Variants in CES4A observed in about 807,000 individuals in gnomAD.
CES4A encodes carboxylesterase 6.
In CES4A, 48 loss-of-function variants were observed where a neutral mutation model predicts 65.4. That is an observed-to-expected ratio of 0.73 (90% CI 0.58 to 0.93). CES4A has a LOEUF of 0.93. CES4A is among the 40% of genes least tolerant of loss of function. The pLI, the probability that CES4A is intolerant of heterozygous loss-of-function variation, is 0.00. For synonymous variants in CES4A, 247 were observed against 281.8 expected (o/e 0.88, Z 1.24); for missense variants, 685 against 728.5 (o/e 0.94, Z 0.69).
chr16:67,005,717 C>T (rs561351781), intron 11 of CES4A: 76 of 255,470 alleles, frequency 3.0e-4, no homozygotes, highest in Admixed American at 1.4e-3. Context: ...GCTGTAGTGG[C>T]GCATGCCTAT....
intron 2 of CES4A, chr16:66,996,271 G>A (rs1964844192): frequency 6.0e-6 from 2 of 333,362 alleles, no homozygotes; most frequent in South Asian, 2.3e-5. Context: ...TCTTGACCTC[G>A]TGATCCACAT....
Position 67,003,995 on chromosome 16 carries a change from T to C in CES4A, c.940-89T>C. 1 of 1,370,398 alleles carries C rather than the reference T, an allele frequency of 7.3e-7. No individual in the cohort carries two copies. Among genetic ancestry groups the C allele is most frequent in the Middle Eastern group, 2.5e-4 (1 of 3,984 alleles). 84.9% of individuals were successfully genotyped at this position (1,370,398 alleles called of 1,614,324 possible). The stretch of plus-strand genomic sequence containing the variant: ...CTTTTCCCAATCAAAGAACCTAGGC[T>C]AGAGCAGCCTCTGAAGGGGCACCCA... On this transcript the variant is annotated intron_variant, in intron 8 of 13. Coordinates refer to ENST00000648724, the Ensembl canonical transcript of CES4A. This position sits in a 1 kb window ranked among gnomAD's most constrained non-coding sequence, Gnocchi z 4.2.
At chr16:67,004,324 A>G in intron 9 of CES4A, 100 bp downstream of exon 9, 1 of 1,307,802 alleles carries the variant, frequency 7.6e-7, no homozygotes, top group Non-Finnish European at 1.1e-6. Flanking sequence ...GCACCAGGTC[A>G]GATGCCAGTA....
chr16:67,002,719 G>GCTGTCA, intron 5 of CES4A, among the ~76,000 whole-genome samples: 1 of 152,154 alleles, frequency 6.6e-6, no homozygotes, highest in African/African-American at 2.4e-5. Flanking sequence ...AGTGGAGAGA[G>GCTGTCA]GCTAACAGCT....
At chr16:66,995,697 T>C (rs1276346028) in exon 2 of CES4A, 5 of 1,614,200 alleles carry the variant, frequency 3.1e-6, no homozygotes, top group Middle Eastern at 1.6e-4. Flanking sequence ...CAGATGCATG[T>C]GGGGAAGACA....
chr16:66,997,736 C>A (rs948935082), intron 2 of CES4A, among the ~76,000 whole-genome samples: 1 of 151,724 alleles, frequency 6.6e-6, no homozygotes, highest in South Asian at 2.1e-4. Context: ...TTTGGGAGGC[C>A]GAGGCAGGAA....
chr16:67,002,162 G>GA (rs1555530410), intron 5 of CES4A, among the ~76,000 whole-genome samples: 5 of 151,700 alleles, frequency 3.3e-5, no homozygotes, highest in African/African-American at 2.4e-5. Flanking sequence ...AAAAGCAGAG[G>GA]AAAAAAAAAT....
At chr16:66,997,797 C>T (rs1397754142) in intron 2 of CES4A, among the ~76,000 whole-genome samples, 1 of 152,090 alleles carries the variant, frequency 6.6e-6, no homozygotes, top group Non-Finnish European at 1.5e-5. Context: ...TAGTGAGACC[C>T]TGTCTCTACA....
chr16:67,006,985 A>C (rs1001486650), intron 13 of CES4A, 168 bp downstream of exon 13: 2 of 605,942 alleles, frequency 3.3e-6, no homozygotes, highest in Non-Finnish European at 5.8e-6. Context: ...ACCGGATCCT[A>C]AACGTCTCTA....
In CES4A at chr16:66,988,704, A is replaced by G; in HGVS notation, c.-69A>G. The G allele has an allele frequency of 1.3e-6, 2 of 1,550,416 alleles. No individual in the cohort carries two copies. Among genetic ancestry groups the G allele is most frequent in the Non-Finnish European group, 8.7e-7 (1 of 1,147,052 alleles). On this transcript the variant is annotated 5_prime_UTR_variant, in exon 1 of 14. An upstream start codon of the reference 5' UTR is lost. Transcript: ENST00000648724. Reference sequence around the variant, plus strand: ...CTCACACACTGTAGACACGGCTACCATGCCATCCACAGTGTTGCCATCCAC... The same window carrying G: ...CTCACACACTGTAGACACGGCTACCGTGCCATCCACAGTGTTGCCATCCAC...
In CES4A at chr16:67,000,616, C is replaced by A. The variant is rs1176170607; in HGVS notation, c.261-22C>A. On this transcript the variant is annotated intron_variant, in intron 2 of 13. Coordinates refer to ENST00000648724, the Ensembl canonical transcript of CES4A. The surrounding 1 kb of genome is among the most constrained non-coding windows in gnomAD (Gnocchi z 4.2). ...ATTGAAACGATCTCCCCGCGGCCGC[C>A]GCCGCTACCTGGTGCCCGCAGGTGC... The A allele has an allele frequency of 2.6e-6, 4 of 1,529,912 alleles. No individual in the cohort carries two copies. In the African/African-American group the frequency reaches 5.5e-5, roughly 21 times the overall value. The allele number at this position is 1,529,912 out of a possible 1,614,324, so 94.8% of individuals were successfully genotyped here. A position where few individuals can be genotyped will look rare whatever the true frequency, so the allele number is the denominator to read the frequency against.
At chr16:67,009,926 C>T (rs558209192), downstream of CES4A, among the ~76,000 whole-genome samples, 115 of 152,212 alleles carry the variant, frequency 7.6e-4, no homozygotes, top group African/African-American at 2.4e-3. Flanking sequence ...GTCTCAAGTG[C>T]ACCCCTCAGG....
chr16:67,006,830 C>G lies in CES4A; in HGVS notation c.1517+13C>G, dbSNP rs766578305. ...TTGCCCGCACAGGGTGAGTCTGCCCCCCAGCACATCTGGGCATTCTACCTG... is the reference window on the plus strand; with the variant it reads ...TTGCCCGCACAGGGTGAGTCTGCCCGCCAGCACATCTGGGCATTCTACCTG... On this transcript the variant is annotated intron_variant, in intron 13 of 13. Transcript: ENST00000648724. 1 of 1,613,394 alleles carries G rather than the reference C, an allele frequency of 6.2e-7. No homozygotes were observed. The highest frequency in any genetic ancestry group is 1.1e-5 in the South Asian group (1 of 91,038).
At chr16:67,007,151 A>C in intron 13 of CES4A, 1 of 298,012 alleles carries the variant, frequency 3.4e-6, no homozygotes, top group Non-Finnish European at 6.2e-6. Context: ...AGCTCACCAC[A>C]TAAAATCAGG....
In CES4A at chr16:67,000,562, G is replaced by A; in HGVS notation, c.261-76G>A. ...ACAGACGCTGCCTGGATTTTGCTTTGGGTTCCGTCTTCTCACTGCGGACCC... is the reference window on the plus strand; with the variant it reads ...ACAGACGCTGCCTGGATTTTGCTTTAGGTTCCGTCTTCTCACTGCGGACCC... On this transcript the variant is annotated intron_variant, in intron 2 of 13. Coordinates refer to ENST00000648724, the Ensembl canonical transcript of CES4A. This position sits in a 1 kb window ranked among gnomAD's most constrained non-coding sequence, Gnocchi z 4.2. The A allele has an allele frequency of 1.3e-6, 2 of 1,491,826 alleles. No individual in the cohort carries two copies. Among genetic ancestry groups the A allele is most frequent in the Non-Finnish European group, 1.8e-6 (2 of 1,115,224 alleles). The allele number at this position is 1,491,826 out of a possible 1,614,324, so 92.4% of individuals were successfully genotyped here.
chr16:67,007,134 C>T (rs1597101823), intron 13 of CES4A: 2 of 331,244 alleles, frequency 6.0e-6, no homozygotes, highest in East Asian at 5.8e-5. Context: ...GAGCCCCATC[C>T]TCCAGCAGCT....
chr16:67,008,903 A>T, intron 13 of CES4A, 71 bp from the exon 14 acceptor site: 1 of 1,499,958 alleles, frequency 6.7e-7, no homozygotes, highest in Admixed American at 1.9e-5. Context: ...AAATTAAACG[A>T]GGGAAGGGTG....
rs748913215 is a variant in CES4A, at chr16:67,001,038, G to A, written c.536+48G>A. ...GGACCGCAGCTGTGGCCAGAGCGGCGGGGACTGGGTGGGAAGGGAGGGGCG... is the reference window on the plus strand; with the variant it reads ...GGACCGCAGCTGTGGCCAGAGCGGCAGGGACTGGGTGGGAAGGGAGGGGCG... On this transcript the variant is annotated intron_variant, in intron 4 of 13. Transcript: ENST00000648724. This position sits in a 1 kb window ranked among gnomAD's most constrained non-coding sequence, Gnocchi z 4.1. 6 of 1,590,756 alleles carry A rather than the reference G, an allele frequency of 3.8e-6. No individual in the cohort carries two copies. Among genetic ancestry groups the A allele is most frequent in the African/African-American group, 1.3e-5 (1 of 74,146 alleles).
At chr16:66,996,041 T>C in intron 2 of CES4A, 1 of 687,934 alleles carries the variant, frequency 1.5e-6, no homozygotes, top group Non-Finnish European at 2.6e-6. Context: ...GTTTTTGTTT[T>C]TGTTTTTGTT....
Sources: gnomAD v4.1 joint callset for allele counts (sites outside exome capture counted in the v4.1 genomes callset) on GRCh38, gnomAD v4.1.1 for gene constraint, Gnocchi (gnomAD v3.1) non-coding constraint, MANE v1.5 for transcripts, NCBI Gene and HGNC (gene_info 2026-07-23, HGNC 2026-07-21) for gene names.